POGLUT2: variants seen among roughly 807,000 people sequenced by gnomAD.
The protein encoded by POGLUT2 is protein O-glucosyltransferase 2, also known as ER protein 58.
POGLUT2 carries 47 observed loss-of-function variants against 57.6 expected under a neutral mutation model. The ratio of observed to expected loss-of-function variants is 0.82; its 90% CI spans 0.65 to 1.04. The LOEUF (loss-of-function observed/expected upper bound fraction) is 1.04. Ranked by LOEUF, POGLUT2 falls within the 50% of genes least tolerant of loss-of-function variation. The pLI, the probability that POGLUT2 is intolerant of heterozygous loss-of-function variation, is 0.00. For missense variants in POGLUT2, 565 were observed against 614.8 expected (o/e 0.92, Z 0.86); for synonymous variants, 200 against 218.8 (o/e 0.91, Z 0.76).
chr13:102,796,741 T>C (rs1261099231), intron 2 of POGLUT2, 63 bp downstream of exon 2: 6 of 700,168 alleles, frequency 8.6e-6, no homozygotes, highest in Non-Finnish European at 1.4e-5. Flanking sequence ...TTGTTTTTGT[T>C]GATGGAATAA....
rs1309945710 is a variant in POGLUT2 at position 102,787,108 on chromosome 13, A to G, written c.1383+726T>C. On this transcript the variant is annotated intron_variant, in intron 8 of 9. Coordinates refer to ENST00000376004, the MANE Select transcript of POGLUT2 (RefSeq NM_024089.3). ...GTCACCCAGGCTGGAGTGCAGGGGT[A>G]CGATCTCGGCTCACTGTAACTTCCA... Among the ~76,000 whole-genome samples the G allele has an allele frequency of 2.0e-5, 3 of 151,990 alleles. No individual in the cohort carries two copies. The East Asian group carries it at 5.8e-4, about 30-fold the overall frequency.
In POGLUT2 at chr13:102,798,575, G is replaced by T. The variant is rs1878538796; in HGVS notation, c.96C>A (p.Ser32Arg). The T allele has an allele frequency of 6.2e-7, 1 of 1,613,542 alleles. No individual in the cohort carries two copies. The highest frequency in any genetic ancestry group is 8.5e-7 in the Non-Finnish European group (1 of 1,179,790). Reference sequence around the variant, plus strand: ...CTTTTAGCCCGGGTCCCCATATTTCGCTCTTCTCCGGGCTCAGCTGCCTTT... The same window carrying T: ...CTTTTAGCCCGGGTCCCCATATTTCTCTCTTCTCCGGGCTCAGCTGCCTTT... Reference protein sequence around the residue: ...GGERQLSPEKSEIWGPGLKAD... With the variant: ...GGERQLSPEKREIWGPGLKAD... Residue 32 changes from serine to arginine, a missense_variant, in exon 1 of 10, where the codon AGC becomes AGA. Ser to Arg is a moderately radical substitution (Grantham distance 110). Coordinates refer to ENST00000376004, the MANE Select transcript of POGLUT2 (RefSeq NM_024089.3).
Position 102,789,006 on chromosome 13 carries a change from C to T in POGLUT2, c.1293+6G>A, listed in dbSNP as rs139688097. 2,425 of 1,611,340 alleles carry T rather than the reference C, an allele frequency of 1.5e-3. 3 individuals carry two copies. Among genetic ancestry groups the T allele is most frequent in the Middle Eastern group, 9.3e-3 (51 of 5,486 alleles). ...GGAAATAAGCCTTCAAGGGGACTAACCTTACCTCTTCATCGTGATCTTTCG... is the reference window on the plus strand; with the variant it reads ...GGAAATAAGCCTTCAAGGGGACTAATCTTACCTCTTCATCGTGATCTTTCG... On this transcript the variant is annotated splice_donor_region_variant and intron_variant, in intron 7 of 9. Transcript: ENST00000376004.
At chr13:102,793,287 T>G in intron 4 of POGLUT2, 54 bp downstream of exon 4, 1 of 959,542 alleles carries the variant, frequency 1.0e-6, no homozygotes, top group Non-Finnish European at 1.7e-6. Flanking sequence ...AAAATTATCC[T>G]GTAAAATCTG....
Position 102,789,187 on chromosome 13 carries a change from G to A in POGLUT2, c.1118C>T (p.Ala373Val). The A allele has an allele frequency of 6.2e-7, 1 of 1,614,090 alleles. No homozygotes were observed. Among genetic ancestry groups the A allele is most frequent in the Non-Finnish European group, 8.5e-7 (1 of 1,179,964 alleles). ...KYQINIDGTV[A>V]AYRLPYLLVG... is the part of the protein sequence containing the mutation. ...TAGCAAATATGGCAGGCGATAAGCTGCTACAGTGCCATCGATATTTATTTG... is the reference window on the plus strand; with the variant it reads ...TAGCAAATATGGCAGGCGATAAGCTACTACAGTGCCATCGATATTTATTTG... The change falls in exon 7 of 10, where the codon GCA becomes GTA. Residue 373 changes from alanine to valine, a missense_variant. Transcript: ENST00000376004.
Position 102,784,401 on chromosome 13 carries a change from T to C in POGLUT2, c.*94A>G. On this transcript the variant is annotated 3_prime_UTR_variant, in exon 10 of 10. Coordinates refer to ENST00000376004, the MANE Select transcript of POGLUT2 (RefSeq NM_024089.3). ...ACTGCAAACAATCACACAGATTTTA[T>C]ATTGTCCATGGAATTAATACTTAAA... 1.3e-6 allele frequency: 1 copy of C among 752,634 alleles called. No individual in the cohort carries two copies. 46.6% of individuals were successfully genotyped at this position (752,634 alleles called of 1,614,324 possible).
chr13:102,797,030 G>A (rs1408706864), intron 1 of POGLUT2, 21 bp from the exon 2 acceptor site: 1 of 1,563,620 alleles, frequency 6.4e-7, no homozygotes, highest in Non-Finnish European at 8.8e-7. Flanking sequence ...AAGGCAATGG[G>A]GGAGATAAAC....
intron 1 of POGLUT2, 27 bp from the exon 2 acceptor site, chr13:102,797,036 T>C (rs781426629): frequency 9.2e-6 from 14 of 1,528,434 alleles, no homozygotes; most frequent in East Asian, 2.3e-5. Context: ...ATGGGGGAGA[T>C]AAACAGATTT....
At chr13:102,789,594 G>A (rs575741441) in intron 6 of POGLUT2, among the ~76,000 whole-genome samples, 3 of 152,178 alleles carry the variant, frequency 2.0e-5, no homozygotes, top group Admixed American at 6.6e-5. Flanking sequence ...CATGTTAACC[G>A]TATTATTTAT....
chr13:102,785,152 A>G (rs1056891582), intron 9 of POGLUT2, among the ~76,000 whole-genome samples: 1 of 152,206 alleles, frequency 6.6e-6, no homozygotes, highest in Non-Finnish European at 1.5e-5. Flanking sequence ...AACAGCCAAA[A>G]TTCTGATTTG....
intron 2 of POGLUT2, among the ~76,000 whole-genome samples, chr13:102,795,844 TA>T (rs5806324): frequency 1 from 149,343 of 149,858 alleles, 74,415 homozygotes; most frequent in Middle Eastern, 1. Flanking sequence ...TTCACAAAAA[TA>T]AAAAAAAAAA....
At chr13:102,787,205 C>G (rs1392348606) in intron 8 of POGLUT2, among the ~76,000 whole-genome samples, 1 of 152,002 alleles carries the variant, frequency 6.6e-6, no homozygotes, top group African/African-American at 2.4e-5. Flanking sequence ...CACCACCACA[C>G]CCGGCTAATT....
intron 7 of POGLUT2, 40 bp downstream of exon 7, chr13:102,788,972 G>A: frequency 6.7e-7 from 1 of 1,500,454 alleles, no homozygotes; most frequent in South Asian, 1.1e-5. Flanking sequence ...ATGATATTGG[G>A]AAACAAGTGG....
At position 102,791,324 on chromosome 13, in the gene POGLUT2, G is replaced by A; in HGVS notation, c.779C>T (p.Thr260Ile). The A allele has an allele frequency of 6.2e-6, 10 of 1,612,346 alleles. No individual in the cohort carries two copies. Among genetic ancestry groups the A allele is most frequent in the Non-Finnish European group, 8.5e-6 (10 of 1,179,608 alleles). ...IHPIFSWCGSTDSKDIVMPTY... is the reference protein window; with the variant it reads ...IHPIFSWCGSIDSKDIVMPTY... ...AGGCATCACGATATCCTTGGAATCT[G>A]TGGAGCCACACCAGGAAAAGATCGG... Residue 260 changes from threonine (T) to isoleucine (I), a missense_variant, in exon 5 of 10, where the codon ACA becomes ATA. Coordinates refer to ENST00000376004, the MANE Select transcript of POGLUT2 (RefSeq NM_024089.3).
At position 102,787,900 on chromosome 13, in the gene POGLUT2, T is replaced by C. The variant is rs761334297; in HGVS notation, c.1317A>G (p.Gly439=). The C allele has an allele frequency of 1.3e-6, 2 of 1,592,132 alleles. No individual in the cohort carries two copies. Among genetic ancestry groups the C allele is most frequent in the South Asian group, 1.1e-5 (1 of 88,514 alleles). ...TGAGATTATTTCTTGCAAATTCTTGTCCTGCTTTTGCTATCTTTTTGGCCT... is the reference window on the plus strand; with the variant it reads ...TGAGATTATTTCTTGCAAATTCTTGCCCTGCTTTTGCTATCTTTTTGGCCT... ...DEEAKKIAKA[G]QEFARNNLMG... Residue 439 remains glycine, a synonymous_variant, in exon 8 of 10, where the codon GGA becomes GGG. Coordinates refer to ENST00000376004, the MANE Select transcript of POGLUT2 (RefSeq NM_024089.3).
intron 8 of POGLUT2, among the ~76,000 whole-genome samples, chr13:102,787,347 T>C (rs1184725100): frequency 1.3e-5 from 2 of 152,158 alleles, no homozygotes; most frequent in Non-Finnish European, 2.9e-5. Flanking sequence ...GCACCCGGCC[T>C]ACTACCACAT....
At position 102,793,929 on chromosome 13, in the gene POGLUT2, T is replaced by C. The variant is rs376660043; in HGVS notation, c.389-123A>G. 5.5e-5 allele frequency: 45 copies of C among 811,152 alleles called. No individual in the cohort carries two copies. The highest frequency in any genetic ancestry group is 1.1e-4 in the East Asian group (4 of 37,884). The allele number at this position is 811,152 out of a possible 1,614,324, so 50.2% of individuals were successfully genotyped here. A position where few individuals can be genotyped will look rare whatever the true frequency, so the allele number is the denominator to read the frequency against. On this transcript the variant is annotated intron_variant, in intron 2 of 9. Coordinates refer to ENST00000376004, the MANE Select transcript of POGLUT2 (RefSeq NM_024089.3). ...TAGTTACATAGGAAGAGCATTTTCA[T>C]TGAAAACACATTTTAAGAGAATTAC...
At chr13:102,786,097 C>T (rs578163550) in intron 9 of POGLUT2, 135 bp downstream of exon 9, 40 of 639,890 alleles carry the variant, frequency 6.3e-5, no homozygotes, top group Non-Finnish European at 6.5e-5. Context: ...ATCTCTCTGG[C>T]AGACTGAATT....
chr13:102,789,316 T>C, intron 6 of POGLUT2, 95 bp from the exon 7 acceptor site: 4 of 1,051,866 alleles, frequency 3.8e-6, no homozygotes, highest in Non-Finnish European at 5.7e-6. Flanking sequence ...TTTGCAATCC[T>C]CAGACACAAT....
Sources: allele counts gnomAD v4.1 joint callset (sites outside exome capture counted in the v4.1 genomes callset), GRCh38; gene constraint gnomAD v4.1.1; transcripts MANE v1.5; gene names NCBI Gene and HGNC (gene_info 2026-07-23, HGNC 2026-07-21).